Variants in COL26A1 observed in about 807,000 individuals in gnomAD.
The protein encoded by COL26A1 is collagen type XXVI alpha 1 chain.
A neutral mutation model predicts 59.3 loss-of-function variants in COL26A1; 41 were observed. That is an observed-to-expected ratio of 0.69 (90% CI 0.54 to 0.90). COL26A1 has a LOEUF of 0.90. Among genes scored for constraint, COL26A1 ranks in the 40% least tolerant of loss-of-function variants. COL26A1 has a pLI of 0.00. For synonymous variants in COL26A1, 266 were observed against 256.0 expected, an observed-to-expected ratio of 1.04 and a Z score of -0.37; for missense variants, 612 against 602.3, an observed-to-expected ratio of 1.02 and a Z score of -0.17.
chr7:101,542,754 G>A (rs1322961774), intron 5 of COL26A1, among the ~76,000 whole-genome samples: 2 of 151,824 alleles, frequency 1.3e-5, no homozygotes, highest in Non-Finnish European at 2.9e-5. Context: ...GGAGGGCCGA[G>A]CTCAGGTCTC....
At chr7:101,489,904 T>C (rs568433775) in intron 3 of COL26A1, among the ~76,000 whole-genome samples, 1 of 84,624 alleles carries the variant, frequency 1.2e-5, no homozygotes, top group East Asian at 2.4e-4. Context: ...CTTTCTTTCT[T>C]TCTTTCTTTC....
chr7:101,500,144 GTAGGC>G (rs1243819806), intron 3 of COL26A1, among the ~76,000 whole-genome samples: 1 of 152,168 alleles, frequency 6.6e-6, no homozygotes, highest in Non-Finnish European at 1.5e-5. Context: ...GCTGTTTGGA[GTAGGC>G]TGGGGCATGC....
intron 3 of COL26A1, among the ~76,000 whole-genome samples, chr7:101,493,230 C>T (rs929174170): frequency 6.6e-6 from 1 of 150,430 alleles, no homozygotes; most frequent in Non-Finnish European, 1.5e-5. Flanking sequence ...CCCCTTCCCC[C>T]TGCCCTTGCC....
chr7:101,484,211 C>T (rs1794220315), intron 3 of COL26A1, among the ~76,000 whole-genome samples: 1 of 152,092 alleles, frequency 6.6e-6, no homozygotes, highest in African/African-American at 2.4e-5. Context: ...TCAGGTCTTA[C>T]ATTCTCTTTA....
chr7:101,457,017 G>A (rs1034583247), intron 3 of COL26A1, among the ~76,000 whole-genome samples: 1 of 152,282 alleles, frequency 6.6e-6, no homozygotes, highest in Non-Finnish European at 1.5e-5. Context: ...GGGAGAACTG[G>A]AGTTATCACT....
At chr7:101,466,835 T>TGAGAGAGA (rs1554416669) in intron 3 of COL26A1, among the ~76,000 whole-genome samples, 1 of 81,518 alleles carries the variant, frequency 1.2e-5, no homozygotes, top group African/African-American at 4.6e-5. Context: ...TGTGTGTGTG[T>TGAGAGAGA]GTGAGAGAGA....
chr7:101,449,502 C>T (rs562540242), intron 3 of COL26A1, among the ~76,000 whole-genome samples: 7 of 152,258 alleles, frequency 4.6e-5, no homozygotes, highest in Non-Finnish European at 1.0e-4. Flanking sequence ...GGAATGGTGG[C>T]TTATGACTGT....
intron 3 of COL26A1, among the ~76,000 whole-genome samples, chr7:101,458,334 A>C (rs1212390353): frequency 6.6e-6 from 1 of 152,004 alleles, no homozygotes; most frequent in Non-Finnish European, 1.5e-5. Context: ...TGTATTCCTC[A>C]CCTGTGAAAT....
chr7:101,382,634 C>A (rs192238148), intron 1 of COL26A1, among the ~76,000 whole-genome samples: 46 of 152,172 alleles, frequency 3.0e-4, no homozygotes, highest in Admixed American at 1.9e-3. Context: ...TCAAAATATT[C>A]TTAGTTGTTC....
At chr7:101,468,396 G>T (rs924084530) in intron 3 of COL26A1, among the ~76,000 whole-genome samples, 1 of 152,112 alleles carries the variant, frequency 6.6e-6, no homozygotes, top group African/African-American at 2.4e-5. Context: ...TCTGCCTAAA[G>T]AATTTCTTTC....
intron 1 of COL26A1, among the ~76,000 whole-genome samples, chr7:101,395,394 T>G (rs1459865237): frequency 6.6e-6 from 1 of 152,232 alleles, no homozygotes; most frequent in Non-Finnish European, 1.5e-5. Context: ...CAGAGCATTC[T>G]GCAGCTTGTG....
chr7:101,454,264 C>CTTTT (rs1366865509), intron 3 of COL26A1, among the ~76,000 whole-genome samples: 1 of 126,868 alleles, frequency 7.9e-6, no homozygotes, highest in Non-Finnish European at 1.7e-5. Context: ...CTTTTCTTTT[C>CTTTT]TTTCTTTTTT....
At chr7:101,525,732 G>A (rs1229982817) in intron 3 of COL26A1, among the ~76,000 whole-genome samples, 8 of 152,178 alleles carry the variant, frequency 5.3e-5, no homozygotes, top group African/African-American at 1.2e-4. Flanking sequence ...TCCTGACCTC[G>A]TGATCCGCCC....
chr7:101,525,739 G>T (rs568257783), intron 3 of COL26A1, among the ~76,000 whole-genome samples: 1 of 151,986 alleles, frequency 6.6e-6, no homozygotes, highest in Non-Finnish European at 1.5e-5. Flanking sequence ...CTCGTGATCC[G>T]CCCACCTTGG....
intron 2 of COL26A1, among the ~76,000 whole-genome samples, chr7:101,441,068 G>A (rs1793047348): frequency 6.6e-6 from 1 of 152,090 alleles, no homozygotes; most frequent in Admixed American, 6.6e-5. Context: ...CCCGAGATCA[G>A]TCCCTGTGTG....
intron 1 of COL26A1, among the ~76,000 whole-genome samples, chr7:101,367,599 A>G (rs1043822141): frequency 6.6e-6 from 1 of 150,744 alleles, no homozygotes; most frequent in African/African-American, 2.4e-5. Flanking sequence ...CGGGAGGCGG[A>G]GGGTACAATG....
chr7:101,451,865 C>A (rs936875599), intron 3 of COL26A1, among the ~76,000 whole-genome samples: 2 of 152,016 alleles, frequency 1.3e-5, no homozygotes, highest in Non-Finnish European at 2.9e-5. Flanking sequence ...CCACCACACC[C>A]AGCTATGTTT....
intron 3 of COL26A1, among the ~76,000 whole-genome samples, chr7:101,530,660 AG>A (rs1795346783): frequency 2.7e-5 from 4 of 148,864 alleles, no homozygotes; most frequent in African/African-American, 1.0e-4. Context: ...CTGGCCTTTC[AG>A]GGACTCCACC....
intron 1 of COL26A1, among the ~76,000 whole-genome samples, chr7:101,397,538 CCCT>C (rs1791889166): frequency 1.6e-5 from 2 of 128,194 alleles, no homozygotes; most frequent in Non-Finnish European, 3.5e-5. Context: ...TCCTCCCCCC[CCCT>C]CCTTTTTTTT....
Sources: gnomAD v4.1 joint callset for allele counts (sites outside exome capture counted in the v4.1 genomes callset) on GRCh38, gnomAD v4.1.1 for gene constraint, MANE v1.5 for transcripts, NCBI Gene and HGNC (gene_info 2026-07-23, HGNC 2026-07-21) for gene names.